Variants in AKAP13 observed in about 807,000 individuals in gnomAD.
AKAP13 encodes A-kinase anchoring protein 13, also known as A-kinase anchor protein 13.
Under a neutral mutation model 264.5 loss-of-function variants are expected in AKAP13, and 80 were observed. The observed-to-expected ratio is 0.30, with a 90% CI of 0.25 to 0.36. The LOEUF (loss-of-function observed/expected upper bound fraction) is 0.36, where lower values mean the gene tolerates loss of function less well. AKAP13 is among the 10% of genes least tolerant of loss of function. The pLI, the probability that AKAP13 is intolerant of heterozygous loss-of-function variation, is 1.00. For synonymous variants in AKAP13, 1,380 were observed against 1,250.2 expected, an observed-to-expected ratio of 1.10 and a Z score of -2.19; for missense variants, 3,712 against 3,435.2, an observed-to-expected ratio of 1.08 and a Z score of -2.01.
At chr15:85,653,020 CCAGTA>C (rs1293992201) in intron 10 of AKAP13, among the ~76,000 whole-genome samples, 7 of 152,152 alleles carry the variant, frequency 4.6e-5, no homozygotes, top group Admixed American at 3.3e-4. Context: ...ATTATTCAAC[CCAGTA>C]CAGTGAGAAA....
chr15:85,626,444 A>ATT (rs1006861241), intron 8 of AKAP13, among the ~76,000 whole-genome samples: 1 of 131,814 alleles, frequency 7.6e-6, no homozygotes, highest in African/African-American at 2.9e-5. Flanking sequence ...CTACCGTTCT[A>ATT]TTTTCTGTCT....
chr15:85,401,591 A>G (rs144183278), intron 1 of AKAP13, among the ~76,000 whole-genome samples: 52 of 152,342 alleles, frequency 3.4e-4, no homozygotes, highest in Non-Finnish European at 6.6e-4. Flanking sequence ...CAAAGAAGCT[A>G]GTCATTTTTG....
chr15:85,687,577 C>CA (rs985926814), intron 16 of AKAP13, among the ~76,000 whole-genome samples: 2 of 152,070 alleles, frequency 1.3e-5, no homozygotes, highest in African/African-American at 4.8e-5. Context: ...AGTGGAAACT[C>CA]AAAAAATTAC....
intron 5 of AKAP13, among the ~76,000 whole-genome samples, chr15:85,573,831 G>C (rs1312330623): frequency 6.6e-6 from 1 of 152,144 alleles, no homozygotes; most frequent in Admixed American, 6.5e-5. Flanking sequence ...AGAAGGGAAG[G>C]CTTACTAGGA....
At chr15:85,678,653 G>A (rs2084391206) in intron 14 of AKAP13, among the ~76,000 whole-genome samples, 1 of 152,028 alleles carries the variant, frequency 6.6e-6, no homozygotes, top group Non-Finnish European at 1.5e-5. Flanking sequence ...CTTGAGGTCA[G>A]GAGTTTGAGA....
chr15:85,668,815 C>T (rs966214346), intron 13 of AKAP13, among the ~76,000 whole-genome samples: 7 of 152,028 alleles, frequency 4.6e-5, no homozygotes, highest in East Asian at 1.9e-4. Flanking sequence ...TGGTGGTGCA[C>T]CCCTGTAATC....
intron 10 of AKAP13, among the ~76,000 whole-genome samples, chr15:85,652,697 T>C (rs1208948411): frequency 6.6e-6 from 1 of 152,184 alleles, no homozygotes; most frequent in African/African-American, 2.4e-5. Flanking sequence ...ACCGTGTCAG[T>C]GGGGCTGCTT....
intron 8 of AKAP13, among the ~76,000 whole-genome samples, chr15:85,625,821 T>G (rs1244808690): frequency 6.6e-6 from 1 of 151,452 alleles, no homozygotes; most frequent in Non-Finnish European, 1.5e-5. Flanking sequence ...TTAAGTTGCC[T>G]TGGTTGTTTG....
intron 14 of AKAP13, among the ~76,000 whole-genome samples, chr15:85,679,610 C>T (rs2084469132): frequency 6.6e-6 from 1 of 152,162 alleles, no homozygotes; most frequent in Non-Finnish European, 1.5e-5. Context: ...ATATGTGCAG[C>T]ACTGTATACA....
chr15:85,499,580 A>G (rs1019909866), intron 2 of AKAP13, among the ~76,000 whole-genome samples: 1 of 152,038 alleles, frequency 6.6e-6, no homozygotes, highest in African/African-American at 2.4e-5. Flanking sequence ...ACCAATTCCA[A>G]CTCTATGTAA....
At chr15:85,484,110 A>C (rs554008149) in intron 1 of AKAP13, among the ~76,000 whole-genome samples, 105 of 152,264 alleles carry the variant, frequency 6.9e-4, no homozygotes, top group African/African-American at 2.4e-3. Flanking sequence ...CCCATGTCCT[A>C]GGCAAGTCTG....
rs1283996739 is a variant in AKAP13 at position 85,633,566 on chromosome 15, C to T, written c.4162-5808C>T. Among the ~76,000 whole-genome samples the T allele has an allele frequency of 7.2e-5, 7 of 96,890 alleles. No homozygotes were observed. The East Asian group carries it at 8.0e-4, about 11-fold the overall frequency. The allele number at this position is 96,890 out of a possible 152,430, so 63.6% of individuals were successfully genotyped here. ...TTTTTTTTTTTTTTTTTTTTTGAGA[C>T]GGAGTCTCTCTTTGTCACCCAGGCT... On this transcript the variant is annotated intron_variant, in intron 8 of 36. Transcript: ENST00000394518.
rs2077307752 is a variant in AKAP13 at position 85,533,634 on chromosome 15, G to A, written c.232G>A (p.Gly78Ser). 6.2e-7 allele frequency: 1 copy of A among 1,613,922 alleles called. No homozygotes were observed. Among genetic ancestry groups the A allele is most frequent in the Non-Finnish European group, 8.5e-7 (1 of 1,179,958 alleles). ...VKVQLCASKEGLPVFVVAEED... is the reference protein window; with the variant it reads ...VKVQLCASKESLPVFVVAEED... ...GGTGCAGCTCTGTGCTTCCAAAGAG[G>A]GCCTTCCCGTGTTTGTGGTGGCTGA... The change falls in exon 4 of 37, where the codon GGC becomes AGC. Residue 78 changes from glycine to serine, a missense_variant. By Grantham distance (56) the Gly-to-Ser change is moderately conservative. This residue lies in a region of AKAP13 where 2,759 missense variants were observed against 2,411.7 expected (regional missense o/e 1.14). Coordinates refer to ENST00000394518, the MANE Select transcript of AKAP13 (RefSeq NM_007200.5).
chr15:85,528,218 C>T (rs958366399), intron 3 of AKAP13, among the ~76,000 whole-genome samples: 1 of 152,210 alleles, frequency 6.6e-6, no homozygotes, highest in Non-Finnish European at 1.5e-5. Flanking sequence ...CACACACCTC[C>T]TGACCTGCCA....
chr15:85,684,949 G>C, intron 16 of AKAP13, 76 bp downstream of exon 16: 1 of 1,482,280 alleles, frequency 6.7e-7, no homozygotes. Flanking sequence ...ACCAAAACTG[G>C]TTAAATCATG....
chr15:85,419,104 G>C (rs1056420482), intron 1 of AKAP13, among the ~76,000 whole-genome samples: 3 of 152,222 alleles, frequency 2.0e-5, no homozygotes, highest in African/African-American at 7.2e-5. Flanking sequence ...GATGGGAAGA[G>C]TCTTTGTATA....
chr15:85,443,730 T>C (rs2073795893), intron 1 of AKAP13, among the ~76,000 whole-genome samples: 1 of 151,502 alleles, frequency 6.6e-6, no homozygotes, highest in African/African-American at 2.4e-5. Context: ...TTTGCATTTG[T>C]GTCAGTGGGT....
intron 12 of AKAP13, among the ~76,000 whole-genome samples, chr15:85,660,507 A>C (rs1419685919): frequency 6.6e-6 from 1 of 152,102 alleles, no homozygotes; most frequent in East Asian, 1.9e-4. Context: ...GAAGGAGATT[A>C]TTTTTAAGAA....
intron 1 of AKAP13, among the ~76,000 whole-genome samples, chr15:85,400,106 C>T (rs2071349728): frequency 6.6e-6 from 1 of 152,124 alleles, no homozygotes. Context: ...ACTGTTAAAG[C>T]TTTTAGTTCT....
Sources: allele counts gnomAD v4.1 joint callset (sites outside exome capture counted in the v4.1 genomes callset), GRCh38; gene constraint gnomAD v4.1.1; regional missense constraint gnomAD v4.1.1; transcripts MANE v1.5; gene names NCBI Gene and HGNC (gene_info 2026-07-23, HGNC 2026-07-21).